The following PZP variants were observed in gnomAD, a reference collection of about 807,000 sequenced individuals.
PZP encodes the protein PZP alpha-2-macroglobulin like, also known as pregnancy zone protein.
A neutral mutation model predicts 179.8 loss-of-function variants in PZP; 150 were observed. The ratio of observed to expected loss-of-function variants is 0.83; its 90% CI spans 0.73 to 0.96. The LOEUF (loss-of-function observed/expected upper bound fraction) is 0.96, where lower values mean the gene tolerates loss of function less well. Among genes scored for constraint, PZP ranks in the 40% least tolerant of loss-of-function variants. The pLI is 0.00. For synonymous variants in PZP, 624 were observed against 652.3 expected (o/e 0.96, Z 0.66); for missense variants, 1,689 against 1,764.0 (o/e 0.96, Z 0.76).
intron 14 of PZP, among the ~76,000 whole-genome samples, chr12:9,181,476 T>C (rs1819801477): frequency 6.6e-6 from 1 of 152,198 alleles, no homozygotes; most frequent in Non-Finnish European, 1.5e-5. Context: ...AATTATCTAA[T>C]GCTTTGGCGA....
chr12:9,164,412 G>A (rs1417868826), intron 19 of PZP, among the ~76,000 whole-genome samples, 153 bp from the exon 20 acceptor site: 1 of 152,198 alleles, frequency 6.6e-6, no homozygotes, highest in Non-Finnish European at 1.5e-5. Context: ...AAGAAGCATG[G>A]CAATGGCAAT....
rs781551449 is a variant in PZP at position 9,169,532 on chromosome 12, C to T, written c.1899G>A (p.Gln633=). ...GGGGACAGTGTCCTTGTTCTTCCTC[C>T]TGCTGGTCCACATTGTCAGGAAAAT... The part of the protein sequence containing the change: ...LTNFPDNVDQ[Q]EEEQGHCPRP... Residue 633 remains glutamine (Q), a synonymous_variant, in exon 16 of 36, where the codon CAG becomes CAA. Coordinates refer to ENST00000261336, the MANE Select transcript of PZP (RefSeq NM_002864.3). 2.4e-5 allele frequency: 39 copies of T among 1,612,974 alleles called. No individual in the cohort carries two copies. In the Middle Eastern group the frequency reaches 1.5e-3, roughly 61 times the overall value.
At chr12:9,144,226 G>A (rs1013053679), downstream of PZP, among the ~76,000 whole-genome samples, 4 of 152,156 alleles carry the variant, frequency 2.6e-5, no homozygotes, top group African/African-American at 9.7e-5. Context: ...GGATGAGGGA[G>A]GAGGAGGGGA....
downstream of PZP, among the ~76,000 whole-genome samples, chr12:9,144,800 T>C (rs1030585369): frequency 1.3e-5 from 2 of 152,164 alleles, no homozygotes; most frequent in African/African-American, 2.4e-5. Context: ...GGAGGTTATC[T>C]TGGGGCAGGC....
chr12:9,203,747 A>G, intron 2 of PZP, 21 bp downstream of exon 2: 1 of 1,613,548 alleles, frequency 6.2e-7, no homozygotes, highest in Admixed American at 1.7e-5. Flanking sequence ...AGGGATAGCC[A>G]GCTGGCACCG....
intron 2 of PZP, 97 bp downstream of exon 2, chr12:9,203,671 T>C: frequency 7.1e-7 from 1 of 1,412,056 alleles, no homozygotes; most frequent in Non-Finnish European, 9.8e-7. Context: ...CTTAAAGTCA[T>C]ACCTTGGGAT....
In PZP at chr12:9,194,209, G is replaced by A; in HGVS notation, c.1122C>T (p.Pro374=). The A allele has an allele frequency of 1.2e-6, 2 of 1,613,928 alleles. No homozygotes were observed. The highest frequency in any genetic ancestry group is 1.7e-6 in the Non-Finnish European group (2 of 1,179,914). Residue 374 remains proline (P), a synonymous_variant, in exon 11 of 36, where the codon CCC becomes CCT. Transcript: ENST00000261336. ...QVLLVDGKGV[P]IPNKLFFISV... ...AGATGAAGAAGAGTTTATTGGGGAT[G>A]GGCACACCTTTTCCATCCACCAGAA...
chr12:9,168,566 C>T, intron 17 of PZP: 1 of 253,650 alleles, frequency 3.9e-6, no homozygotes, highest in Non-Finnish European at 7.4e-6. Flanking sequence ...AATGTCTTTC[C>T]TGTTTCCATA....
chr12:9,203,835 C>T lies in PZP; in HGVS notation c.200G>A (p.Arg67Lys), dbSNP rs1405317223. 1.2e-6 allele frequency: 2 copies of T among 1,614,016 alleles called. No homozygotes were observed. The highest frequency in any genetic ancestry group is 2.7e-5 in the African/African-American group (2 of 74,912). The change falls in exon 2 of 36, where the codon AGG becomes AAG. Residue 67 changes from arginine (R) to lysine (K), a missense_variant. Arg to Lys is a conservative substitution (Grantham distance 26, BLOSUM62 2). This residue lies in a region of PZP where 742 missense variants were observed against 730.5 expected (regional missense o/e 1.02). Transcript: ENST00000261336. ...GTCAGTGAAGAGGCTCCTGTTTTCCCTGCCAGACTCCAAGGAAGCACTTAC... is the reference window on the plus strand; with the variant it reads ...GTCAGTGAAGAGGCTCCTGTTTTCCTTGCCAGACTCCAAGGAAGCACTTAC... ...VTVSASLESG[R>K]ENRSLFTDLV... is the part of the protein sequence containing the mutation.
Position 9,158,509 on chromosome 12 carries a change from T to A in PZP, c.3205A>T (p.Ile1069Phe), listed in dbSNP as rs1940925686. ...GAGAGCCACGTGAGAGATTGGGTAA[T>A]GTGTGCTTCATCAATGAAGATGTAG... Reference protein sequence around the residue: ...RSYIFIDEAHITQSLTWLSQM... With the variant: ...RSYIFIDEAHFTQSLTWLSQM... The change falls in exon 26 of 36, where the codon ATT becomes TTT. Residue 1069 changes from isoleucine (I) to phenylalanine (F), a missense_variant. Physicochemically the swap from Ile to Phe is conservative, Grantham distance 21. Around this residue, in one of 3 missense-constraint regions of PZP, gnomAD observed 746 missense variants for 749.2 expected, o/e 1.00. Transcript: ENST00000261336. 4 of 1,614,152 alleles carry A rather than the reference T, an allele frequency of 2.5e-6. No individual in the cohort carries two copies. The highest frequency in any genetic ancestry group is 2.5e-6 in the Non-Finnish European group (3 of 1,180,020).
chr12:9,186,513 TCA>T (rs1161623234), intron 13 of PZP, among the ~76,000 whole-genome samples: 1 of 151,996 alleles, frequency 6.6e-6, no homozygotes, highest in African/African-American at 2.4e-5. Flanking sequence ...GAGACCCATC[TCA>T]CATGCAATGA....
At chr12:9,156,118 G>T (rs1410525322) in intron 28 of PZP, 2 of 229,204 alleles carry the variant, frequency 8.7e-6, no homozygotes, top group Non-Finnish European at 9.0e-6. Flanking sequence ...TACTGTTTCT[G>T]GTCTCTGTTC....
In PZP at chr12:9,160,353, G is replaced by A. The variant is rs1443116107; in HGVS notation, c.3010C>T (p.Gln1004Ter). 6.2e-7 allele frequency: 1 copy of A among 1,614,128 alleles called. No individual in the cohort carries two copies. The change falls in exon 24 of 36, where the codon CAG (glutamine) becomes TAG (stop). Residue 1004 changes from glutamine to a stop codon, truncating the protein, a stop_gained. Transcript: ENST00000261336. LOFTEE classifies it high-confidence loss of function. ...NYLNETQQLTQEIKAKAVGYL... is the reference protein window; with the variant it reads ...NYLNETQQLT ...CCAACGGCCTTGGCCTTGATCTCCT[G>A]CGTCAGCTGCTGGGTTTCATTCAGA...
intron 13 of PZP, among the ~76,000 whole-genome samples, chr12:9,183,865 G>T (rs1592520227): frequency 6.6e-6 from 1 of 152,122 alleles, no homozygotes; most frequent in Admixed American, 6.5e-5. Context: ...TCTTAAGTTT[G>T]GGAAGAAAGG....
At chr12:9,168,720 A>G in intron 17 of PZP, 149 bp downstream of exon 17, 1 of 638,656 alleles carries the variant, frequency 1.6e-6, no homozygotes, top group Non-Finnish European at 2.7e-6. Flanking sequence ...ATCACCAGCT[A>G]AGTCACCTCA....
intron 19 of PZP, 98 bp from the exon 20 acceptor site, chr12:9,164,357 G>A: frequency 1.5e-6 from 2 of 1,319,844 alleles, no homozygotes; most frequent in Non-Finnish European, 2.1e-6. Flanking sequence ...CAGTAAATTG[G>A]GATTTGTAAG....
At chr12:9,198,621 G>A (rs993828810) in intron 7 of PZP, among the ~76,000 whole-genome samples, 1 of 152,060 alleles carries the variant, frequency 6.6e-6, no homozygotes, top group Non-Finnish European at 1.5e-5. Flanking sequence ...ATAATTAGTG[G>A]GGTTATGTGT....
rs137893841 is a variant in PZP at position 9,202,334 on chromosome 12, G to T, written c.465C>A (p.Arg155=). Residue 155 remains arginine, a synonymous_variant, in exon 4 of 36, where the codon CGC becomes CGA. Coordinates refer to ENST00000261336, the MANE Select transcript of PZP (RefSeq NM_002864.3). ...FRVVSVDENF[R]PRNELIPLIY... ...GGATGCTTACCAGTTCATTTCGAGG[G>T]CGAAAATTTTCATCCACGGAGACAA... 8.7e-6 allele frequency: 14 copies of T among 1,613,816 alleles called. No individual in the cohort carries two copies. In the African/African-American group the frequency reaches 1.7e-4, roughly 20 times the overall value.
In PZP at chr12:9,157,623, G is replaced by T. The variant is rs749736237; in HGVS notation, c.3369+144C>A. On this transcript the variant is annotated intron_variant, in intron 27 of 35. Transcript: ENST00000261336. ...TGGGCAAGTGTAAATCTCTCTTAAT[G>T]CATCAACCAAAGAGCTTATCAGTCT... is the stretch of plus-strand genomic sequence containing the variant. 6.5e-6 allele frequency: 5 copies of T among 765,040 alleles called. No homozygotes were observed. The African/African-American group carries it at 8.8e-5, about 13-fold the overall frequency. 47.4% of individuals were successfully genotyped at this position (765,040 alleles called of 1,614,324 possible).
Sources: gnomAD v4.1 joint callset for allele counts (sites outside exome capture counted in the v4.1 genomes callset) on GRCh38, gnomAD v4.1.1 for gene constraint, gnomAD v4.1.1 regional missense constraint, MANE v1.5 for transcripts, NCBI Gene and HGNC (gene_info 2026-07-23, HGNC 2026-07-21) for gene names.